COL24A1: variants seen among roughly 807,000 people sequenced by gnomAD.
The protein encoded by COL24A1 is collagen type XXIV alpha 1 chain.
A neutral mutation model predicts 253.9 loss-of-function variants in COL24A1; 224 were observed. The observed-to-expected ratio is 0.88, with a 90% confidence interval of 0.79 to 0.99. The LOEUF is 0.99. Ranked by LOEUF, COL24A1 falls within the 50% of genes least tolerant of loss-of-function variation. The pLI is 0.00. For synonymous variants in COL24A1, 685 were observed against 673.7 expected (o/e 1.02, Z -0.26); for missense variants, 2,131 against 2,068.5 (o/e 1.03, Z -0.59).
At chr1:86,112,717 G>A in intron 4 of COL24A1, 97 bp from the exon 5 acceptor site, 1 of 1,143,864 alleles carries the variant, frequency 8.7e-7, no homozygotes, top group South Asian at 1.6e-5. Context: ...ATCCCTTTAA[G>A]CACTTGAGTT....
At chr1:85,881,645 T>C (rs1444024454) in intron 32 of COL24A1, among the ~76,000 whole-genome samples, 1 of 152,078 alleles carries the variant, frequency 6.6e-6, no homozygotes, top group Non-Finnish European at 1.5e-5. Flanking sequence ...AAAAAATTTG[T>C]GAAAATAGAA....
chr1:85,830,619 T>C (rs1380237160), intron 43 of COL24A1, among the ~76,000 whole-genome samples: 1 of 152,100 alleles, frequency 6.6e-6, no homozygotes, highest in Non-Finnish European at 1.5e-5. Flanking sequence ...GGATATAATC[T>C]CCTGGTGTGC....
chr1:86,146,632 G>A (rs935170308), intron 1 of COL24A1, among the ~76,000 whole-genome samples: 7 of 151,716 alleles, frequency 4.6e-5, no homozygotes, highest in African/African-American at 1.7e-4. Flanking sequence ...CTTAACTATA[G>A]TGATTATAAG....
intron 2 of COL24A1, among the ~76,000 whole-genome samples, chr1:86,127,682 A>C (rs1286429049): frequency 5.5e-5 from 5 of 91,066 alleles, no homozygotes; most frequent in South Asian, 2.6e-4. Flanking sequence ...AGTGAAAAAA[A>C]TAAAAGTCTT....
chr1:85,955,494 T>C (rs139017930), intron 24 of COL24A1, among the ~76,000 whole-genome samples: 80 of 147,396 alleles, frequency 5.4e-4, no homozygotes, highest in East Asian at 1.2e-3. Flanking sequence ...CTGTAACACA[T>C]GCCCACTGGG....
At chr1:86,038,232 T>C (rs950070723) in intron 12 of COL24A1, among the ~76,000 whole-genome samples, 1 of 152,084 alleles carries the variant, frequency 6.6e-6, no homozygotes, top group Admixed American at 6.6e-5. Flanking sequence ...GAAGAATAAA[T>C]CATAATAGAA....
At chr1:85,775,342 A>G (rs1668427916) in intron 53 of COL24A1, among the ~76,000 whole-genome samples, 1 of 152,154 alleles carries the variant, frequency 6.6e-6, no homozygotes, top group Non-Finnish European at 1.5e-5. Context: ...AAGAATGTAT[A>G]TTCTGTTGAT....
intron 5 of COL24A1, among the ~76,000 whole-genome samples, chr1:86,111,172 G>A (rs1318085801): frequency 2.0e-5 from 3 of 149,074 alleles, no homozygotes; most frequent in Non-Finnish European, 4.5e-5. Flanking sequence ...CTAGCTAGAG[G>A]ATTGTAAATG....
intron 24 of COL24A1, among the ~76,000 whole-genome samples, chr1:85,941,220 T>C (rs1469982536): frequency 6.6e-6 from 1 of 152,196 alleles, no homozygotes; most frequent in Non-Finnish European, 1.5e-5. Context: ...AAATTAGTTC[T>C]ATATTTCTTC....
At chr1:85,791,280 C>A (rs12037981) in intron 47 of COL24A1, among the ~76,000 whole-genome samples, 2 of 151,856 alleles carry the variant, frequency 1.3e-5, no homozygotes, top group African/African-American at 4.8e-5. Context: ...GGAGTCAATG[C>A]TGAGATGGAA....
intron 37 of COL24A1, among the ~76,000 whole-genome samples, chr1:85,853,595 A>G (rs1678070530): frequency 1.3e-5 from 2 of 152,208 alleles, no homozygotes; most frequent in Admixed American, 6.5e-5. Context: ...CTAGCAGTGT[A>G]TAAGTGTTCA....
At chr1:86,085,567 C>T (rs1703000378) in intron 7 of COL24A1, among the ~76,000 whole-genome samples, 1 of 152,156 alleles carries the variant, frequency 6.6e-6, no homozygotes, top group East Asian at 1.9e-4. Flanking sequence ...AAAGGCTTCC[C>T]ATTCTAATAT....
At chr1:85,854,566 ATT>A (rs767681054) in intron 37 of COL24A1, among the ~76,000 whole-genome samples, 4 of 152,086 alleles carry the variant, frequency 2.6e-5, no homozygotes, top group Non-Finnish European at 5.9e-5. Context: ...AAGTATGGCC[ATT>A]TTACCAATAT....
At chr1:85,965,087 G>A in intron 22 of COL24A1, 25 bp from the exon 23 acceptor site, 2 of 1,583,934 alleles carry the variant, frequency 1.3e-6, no homozygotes, top group Non-Finnish European at 1.7e-6. Flanking sequence ...CATAAAAGAA[G>A]AAAGTATATA....
chr1:86,139,179 A>ACG (rs1553148964), intron 2 of COL24A1, among the ~76,000 whole-genome samples: 1 of 146,240 alleles, frequency 6.8e-6, no homozygotes, highest in Admixed American at 6.9e-5. Context: ...AGAAGGAGAA[A>ACG]GGGGGGGGAG....
At chr1:85,740,742 G>T (rs1201850323) in intron 57 of COL24A1, among the ~76,000 whole-genome samples, 1 of 151,408 alleles carries the variant, frequency 6.6e-6, no homozygotes, top group Non-Finnish European at 1.5e-5. Flanking sequence ...AAAGTGCTGG[G>T]ATTACAGGCA....
chr1:85,903,542 T>G (rs1684528162), intron 28 of COL24A1, among the ~76,000 whole-genome samples: 1 of 152,192 alleles, frequency 6.6e-6, no homozygotes, highest in African/African-American at 2.4e-5. Flanking sequence ...AAATATCTCA[T>G]GGATATTCTC....
intron 53 of COL24A1, among the ~76,000 whole-genome samples, chr1:85,774,198 C>G (rs1668283272): frequency 6.6e-6 from 1 of 152,254 alleles, no homozygotes; most frequent in Admixed American, 6.5e-5. Context: ...GTTGAACGAG[C>G]CTTGCATCCC....
intron 37 of COL24A1, among the ~76,000 whole-genome samples, chr1:85,857,981 G>A (rs2102406841): frequency 6.6e-6 from 1 of 152,150 alleles, no homozygotes; most frequent in Non-Finnish European, 1.5e-5. Flanking sequence ...TAAAATCTAG[G>A]GTTTATTATT....
Sources: gnomAD v4.1 joint callset for allele counts (sites outside exome capture counted in the v4.1 genomes callset) on GRCh38, gnomAD v4.1.1 for gene constraint, MANE v1.5 for transcripts, NCBI Gene and HGNC (gene_info 2026-07-23, HGNC 2026-07-21) for gene names.